The following MTMR7 variants were observed in gnomAD, a reference collection of about 807,000 sequenced individuals.
MTMR7 encodes the protein phosphatidylinositol-3-phosphate phosphatase MTMR7.
A neutral mutation model predicts 81.2 loss-of-function variants in MTMR7; 76 were observed. That is an observed-to-expected ratio of 0.94 (90% CI 0.78 to 1.13). The LOEUF is 1.13. Among genes scored for constraint, MTMR7 ranks in the 50% most tolerant of loss-of-function variants. MTMR7 has a pLI of 0.00. For missense variants in MTMR7, 1,044 were observed against 820.0 expected (o/e 1.27, Z -3.34); for synonymous variants, 372 against 289.8 (o/e 1.28, Z -2.88).
chr8:17,371,222 A>C (rs777738110), intron 2 of MTMR7, 23 bp from the exon 3 acceptor site: 5 of 1,610,386 alleles, frequency 3.1e-6, no homozygotes, highest in Non-Finnish European at 4.2e-6. Flanking sequence ...GTTAATGTGC[A>C]TAAGCTAAGC....
intron 1 of MTMR7, among the ~76,000 whole-genome samples, chr8:17,403,142 G>A (rs1258244046): frequency 6.6e-6 from 1 of 151,982 alleles, no homozygotes; most frequent in Non-Finnish European, 1.5e-5. Context: ...ATATATTCTG[G>A]TTATTACTCC....
chr8:17,366,114 G>T (rs538587488), intron 3 of MTMR7, among the ~76,000 whole-genome samples: 1 of 152,216 alleles, frequency 6.6e-6, no homozygotes, highest in South Asian at 2.1e-4. Flanking sequence ...AAGACATCAG[G>T]TACAAACTCT....
Position 17,299,834 on chromosome 8 carries a change from C to G in MTMR7, c.*28G>C. The G allele has an allele frequency of 6.2e-7, 1 of 1,611,384 alleles. No individual in the cohort carries two copies. The highest frequency in any genetic ancestry group is 8.5e-7 in the Non-Finnish European group (1 of 1,178,374). On this transcript the variant is annotated 3_prime_UTR_variant, in exon 14 of 14. Transcript: ENST00000180173. The stretch of plus-strand genomic sequence containing the variant: ...TTTTTGGAAGTGTTGCTTATGTGTC[C>G]TTTACTTTGGAACTCCAAAGGGAAA...
At chr8:17,367,942 C>T (rs186587985) in intron 3 of MTMR7, among the ~76,000 whole-genome samples, 1 of 150,258 alleles carries the variant, frequency 6.7e-6, no homozygotes, top group East Asian at 2.0e-4. Context: ...GAAAATATCT[C>T]CTTCAGAGAC....
intron 1 of MTMR7, among the ~76,000 whole-genome samples, chr8:17,376,608 C>G (rs934940054): frequency 1.3e-5 from 2 of 152,112 alleles, no homozygotes; most frequent in Admixed American, 6.5e-5. Flanking sequence ...TTATTATAAT[C>G]TCTTTTTTTG....
Position 17,344,500 on chromosome 8 carries a change from G to A in MTMR7, c.598-3003C>T, listed in dbSNP as rs1269319243. On this transcript the variant is annotated intron_variant, in intron 5 of 13. Coordinates refer to ENST00000180173, the MANE Select transcript of MTMR7 (RefSeq NM_004686.5). ...GTGGTGCACGCCTGTAATCCCAGCT[G>A]CTTGGGAGGCTGAGGCAGGAGAATC... Among the ~76,000 whole-genome samples the A allele has an allele frequency of 2.0e-5, 3 of 152,024 alleles. No individual in the cohort carries two copies. The East Asian group carries it at 5.8e-4, about 29-fold the overall frequency.
rs943633132 is a variant in MTMR7, at chr8:17,400,395, T to C, written c.24+12874A>G. On this transcript the variant is annotated intron_variant, in intron 1 of 13. Transcript: ENST00000180173. The stretch of plus-strand genomic sequence containing the variant: ...CAGAGTGAGGATTCAAAACCAGGCA[T>C]TGTGGCCCCAGAGTGTGTGTTCTTA... Among the ~76,000 whole-genome samples, 15 of 152,268 alleles carry C rather than the reference T, an allele frequency of 9.9e-5. 1 individual carries two copies. Among genetic ancestry groups the C allele is most frequent in the African/African-American group, 3.4e-4 (14 of 41,558 alleles).
intron 1 of MTMR7, among the ~76,000 whole-genome samples, chr8:17,376,210 CA>C (rs1329213702): frequency 6.6e-6 from 1 of 152,212 alleles, no homozygotes; most frequent in African/African-American, 2.4e-5. Context: ...TTTCACTTAG[CA>C]ATCATGTTCT....
chr8:17,386,806 G>A (rs1439667617), intron 1 of MTMR7, among the ~76,000 whole-genome samples: 1 of 152,164 alleles, frequency 6.6e-6, no homozygotes, highest in Non-Finnish European at 1.5e-5. Flanking sequence ...ACATGATTTG[G>A]GTAGCTGGAT....
chr8:17,300,121 A>G lies in MTMR7; in HGVS notation c.1724T>C (p.Ile575Thr). 5 of 1,614,110 alleles carry G rather than the reference A, an allele frequency of 3.1e-6. No individual in the cohort carries two copies. The highest frequency in any genetic ancestry group is 3.4e-6 in the Non-Finnish European group (4 of 1,179,998). The change falls in exon 14 of 14, where the codon ATA (isoleucine) becomes ACA (threonine). Residue 575 changes from isoleucine (I) to threonine (T), a missense_variant. Ile to Thr is a moderately conservative substitution (Grantham distance 89). Coordinates refer to ENST00000180173, the MANE Select transcript of MTMR7 (RefSeq NM_004686.5). ...ACTGTAATCCTGGGGAGTGTTGGCT[A>G]TGCTGTTGTCTGAGGTAGAAAACCC... ...HSGFSTSDNS[I>T]ANTPQDYSGN...
At chr8:17,398,685 T>C (rs1281630852) in intron 1 of MTMR7, among the ~76,000 whole-genome samples, 1 of 152,162 alleles carries the variant, frequency 6.6e-6, no homozygotes, top group Non-Finnish European at 1.5e-5. Flanking sequence ...AACTATGGTG[T>C]GTGAACTACT....
intron 3 of MTMR7, among the ~76,000 whole-genome samples, chr8:17,366,277 C>T (rs1820221860): frequency 6.6e-6 from 1 of 152,104 alleles, no homozygotes; most frequent in Admixed American, 6.6e-5. Flanking sequence ...AATAACCTAG[C>T]TTGTTCCCTA....
intron 5 of MTMR7, among the ~76,000 whole-genome samples, chr8:17,342,014 A>G (rs1034769938): frequency 3.3e-5 from 5 of 152,110 alleles, no homozygotes; most frequent in African/African-American, 9.7e-5. Flanking sequence ...ACAAGAGCCC[A>G]GGTTGCTGCT....
chr8:17,372,397 A>T (rs945694494), intron 2 of MTMR7, among the ~76,000 whole-genome samples: 4 of 152,072 alleles, frequency 2.6e-5, no homozygotes, highest in Admixed American at 1.3e-4. Flanking sequence ...GCCAGCCTGG[A>T]CAACATAGTG....
chr8:17,359,584 T>TTAAA (rs368724837), intron 4 of MTMR7, among the ~76,000 whole-genome samples: 2 of 135,610 alleles, frequency 1.5e-5, no homozygotes, highest in African/African-American at 5.8e-5. Flanking sequence ...CCTGTTTCCT[T>TTAAA]AAAAAAAAAA....
intron 4 of MTMR7, among the ~76,000 whole-genome samples, chr8:17,353,258 G>C (rs1052506185): frequency 6.6e-6 from 1 of 152,100 alleles, no homozygotes; most frequent in African/African-American, 2.4e-5. Context: ...GAAACAAAAA[G>C]TAGAATGATG....
chr8:17,303,755 G>C (rs768528941), intron 12 of MTMR7, among the ~76,000 whole-genome samples: 3 of 151,930 alleles, frequency 2.0e-5, no homozygotes, highest in African/African-American at 7.3e-5. Context: ...GATTACAGGC[G>C]CTCACCACCA....
intron 6 of MTMR7, among the ~76,000 whole-genome samples, chr8:17,333,973 TAAAC>T (rs936228661): frequency 1.3e-5 from 2 of 152,162 alleles, no homozygotes; most frequent in African/African-American, 4.8e-5. Context: ...TTTTTAAACA[TAAAC>T]AAAAATTAAA....
At chr8:17,364,120 C>G (rs1017743840) in intron 3 of MTMR7, among the ~76,000 whole-genome samples, 23 of 148,976 alleles carry the variant, frequency 1.5e-4, no homozygotes, top group South Asian at 1.3e-3. Flanking sequence ...AGCTCCGCCT[C>G]CCGGGTTCAC....
Sources: gnomAD v4.1 joint callset for allele counts (sites outside exome capture counted in the v4.1 genomes callset) on GRCh38, gnomAD v4.1.1 for gene constraint, MANE v1.5 for transcripts, NCBI Gene and HGNC (gene_info 2026-07-23, HGNC 2026-07-21) for gene names.